Variants in CORO2B observed in about 807,000 individuals in gnomAD.
The protein encoded by CORO2B is coronin 2B.
In CORO2B, 26 loss-of-function variants were observed where a neutral mutation model predicts 58.8. The ratio of observed to expected loss-of-function variants is 0.44; its 90% CI spans 0.32 to 0.61. CORO2B has a LOEUF of 0.61. CORO2B is among the 20% of genes least tolerant of loss of function. The pLI is 0.04. For synonymous variants in CORO2B, 242 were observed against 253.8 expected (o/e 0.95, Z 0.44); for missense variants, 460 against 645.1 (o/e 0.71, Z 3.11).
At chr15:68,575,577 G>GTC (rs1899265461), upstream of CORO2B, among the ~76,000 whole-genome samples, 1 of 38,752 alleles carries the variant, frequency 2.6e-5, no homozygotes, top group Non-Finnish European at 5.7e-5. Context: ...CTTGTGATCT[G>GTC]CCCCCGCCTC....
At chr15:68,567,577 T>C in the CORO2B span, among the ~76,000 whole-genome samples, 1 of 152,218 alleles carries the variant, frequency 6.6e-6, no homozygotes, top group East Asian at 1.9e-4. Flanking sequence ...GAGGAATGTA[T>C]AGGGCTTGCT....
At chr15:68,535,651 T>C in the CORO2B span, among the ~76,000 whole-genome samples, 1 of 152,174 alleles carries the variant, frequency 6.6e-6, no homozygotes, top group East Asian at 1.9e-4. Context: ...GCCACTGGCA[T>C]TGAAAAAGGT....
intron 1 of CORO2B, among the ~76,000 whole-genome samples, chr15:68,589,780 T>C (rs556542449): frequency 2.8e-4 from 43 of 152,304 alleles, no homozygotes; most frequent in African/African-American, 1.0e-3. Flanking sequence ...AGGCACCTGG[T>C]TGGAGAGACT....
At chr15:68,626,800 C>T (rs1029775598) in intron 1 of CORO2B, among the ~76,000 whole-genome samples, 1 of 152,178 alleles carries the variant, frequency 6.6e-6, no homozygotes, top group Non-Finnish European at 1.5e-5. Context: ...GGGCTGAGAA[C>T]CGCTGCTCCA....
In CORO2B at chr15:68,645,357, G is replaced by A; in HGVS notation, c.213G>A (p.Glu71=). 1.9e-6 allele frequency: 3 copies of A among 1,610,038 alleles called. No individual in the cohort carries two copies. The highest frequency in any genetic ancestry group is 2.5e-6 in the Non-Finnish European group (3 of 1,179,896). The part of the protein sequence containing the change: ...GGGSFLVIPL[E]QTGRIEPNYP... ...GCTCCTTCCTCGTCATCCCCCTGGA[G>A]CAGGTAGGTGGCCCCTACCTTCACT... is the stretch of plus-strand genomic sequence containing the variant. The change falls in exon 2 of 12, where the codon GAG becomes GAA. Residue 71 remains glutamate (E), a synonymous_variant. Transcript: ENST00000261861. This position sits in a 1 kb window ranked among gnomAD's most constrained non-coding sequence, Gnocchi z 4.5.
chr15:68,724,258 T>C (rs1893239001), intron 11 of CORO2B, among the ~76,000 whole-genome samples: 1 of 152,160 alleles, frequency 6.6e-6, no homozygotes, highest in Non-Finnish European at 1.5e-5. Flanking sequence ...ATTTAGCATA[T>C]TTTGATGCAG....
At chr15:68,661,528 G>A (rs1902014187) in intron 2 of CORO2B, among the ~76,000 whole-genome samples, 1 of 152,170 alleles carries the variant, frequency 6.6e-6, no homozygotes, top group Non-Finnish European at 1.5e-5. Flanking sequence ...TTCCCTTCAA[G>A]ACTTGGGAGT....
At chr15:68,534,336 C>T in the CORO2B span, among the ~76,000 whole-genome samples, 1 of 151,474 alleles carries the variant, frequency 6.6e-6, no homozygotes, top group Non-Finnish European at 1.5e-5. Context: ...ACATGCAGTC[C>T]TCTCCTAGCT....
In CORO2B at chr15:68,688,985, ACT is replaced by A. The variant is rs79993709; in HGVS notation, c.217-6152_217-6151del. 2.9e-3 allele frequency among the ~76,000 whole-genome samples: 436 copies of A among 150,928 alleles called. 12 individuals carry two copies. The East Asian group carries it at 0.077, about 27-fold the overall frequency. On this transcript the variant is annotated intron_variant, in intron 2 of 11. Coordinates refer to ENST00000261861, the MANE Select transcript of CORO2B (RefSeq NM_006091.5). ...CTCAAAGACACCCTATCTGCCAATAACTCTGTCTGTTGGCATTGGCACACAGG... is the reference window on the plus strand; with the variant it reads ...CTCAAAGACACCCTATCTGCCAATAACTGTCTGTTGGCATTGGCACACAGG...
intron 2 of CORO2B, among the ~76,000 whole-genome samples, chr15:68,672,154 C>T (rs188495027): frequency 0.046 from 1,149 of 24,804 alleles, 5 homozygotes; most frequent in Middle Eastern, 0.088. Flanking sequence ...ACTTGGTAAT[C>T]GGGAGGTGTG....
intron 7 of CORO2B, 120 bp downstream of exon 7, chr15:68,714,783 T>TCACCTTTCCCATCCACACCTGCC: frequency 1.3e-6 from 1 of 741,308 alleles, no homozygotes; most frequent in South Asian, 1.6e-5. Flanking sequence ...TTCCTGGGCC[T>TCACCTTTCCCATCCACACCTGCC]CACCTTTCCC....
intron 1 of CORO2B, among the ~76,000 whole-genome samples, chr15:68,591,846 G>A (rs1209323088): frequency 6.6e-6 from 1 of 152,202 alleles, no homozygotes; most frequent in Non-Finnish European, 1.5e-5. Context: ...TTCCTTCTAG[G>A]AAAACGTGGT....
chr15:68,710,636 A>C lies in CORO2B; in HGVS notation c.334-96A>C. 2.2e-6 allele frequency: 3 copies of C among 1,361,536 alleles called. No homozygotes were observed. Among genetic ancestry groups the C allele is most frequent in the Non-Finnish European group, 2.9e-6 (3 of 1,039,128 alleles). 84.3% of individuals were successfully genotyped at this position (1,361,536 alleles called of 1,614,324 possible). On this transcript the variant is annotated intron_variant, in intron 3 of 11. Transcript: ENST00000261861. The surrounding 1 kb of genome is among the most constrained non-coding windows in gnomAD (Gnocchi z 4.1). ...AGCCAGGAGGTGGCTCATCAGGCAG[A>C]TCTCAGAAAGCCTGGTGTCCGAGGA... is the stretch of plus-strand genomic sequence containing the variant.
At chr15:68,575,583 G>GC (rs1423253475), upstream of CORO2B, among the ~76,000 whole-genome samples, 8 of 55,956 alleles carry the variant, frequency 1.4e-4, 1 homozygote, top group Admixed American at 2.8e-4. Flanking sequence ...ATCTGCCCCC[G>GC]CCTCGGCCTC....
chr15:68,650,875 C>T (rs1409343881), intron 2 of CORO2B, among the ~76,000 whole-genome samples: 1 of 152,176 alleles, frequency 6.6e-6, no homozygotes, highest in Non-Finnish European at 1.5e-5. Context: ...AGGGTGTGCA[C>T]TGGGTAAAGA....
the CORO2B span, among the ~76,000 whole-genome samples, chr15:68,528,694 T>G: frequency 3.4e-5 from 5 of 148,860 alleles, no homozygotes; most frequent in Non-Finnish European, 6.0e-5. Context: ...TGAGTGTTTT[T>G]TTTTTTTTTT....
chr15:68,697,307 T>C (rs570292228), intron 3 of CORO2B, among the ~76,000 whole-genome samples: 74 of 152,122 alleles, frequency 4.9e-4, no homozygotes, highest in African/African-American at 1.7e-3. Context: ...GATGGATAGA[T>C]GAATGAATGA....
chr15:68,661,207 T>C (rs985826515), intron 2 of CORO2B, among the ~76,000 whole-genome samples: 1 of 151,950 alleles, frequency 6.6e-6, no homozygotes, highest in Non-Finnish European at 1.5e-5. Flanking sequence ...CGAACTCCTG[T>C]CCTCAAGTGA....
intron 8 of CORO2B, 74 bp from the exon 9 acceptor site, chr15:68,718,624 C>T: frequency 7.7e-7 from 1 of 1,295,864 alleles, no homozygotes. Flanking sequence ...TCCCCTGGCC[C>T]AGAACATCAT....
Sources: gnomAD v4.1 joint callset for allele counts (sites outside exome capture counted in the v4.1 genomes callset) on GRCh38, gnomAD v4.1.1 for gene constraint, Gnocchi (gnomAD v3.1) non-coding constraint, MANE v1.5 for transcripts, NCBI Gene and HGNC (gene_info 2026-07-23, HGNC 2026-07-21) for gene names.